SLCO1B1: variants seen among roughly 807,000 people sequenced by gnomAD.
The protein encoded by SLCO1B1 is OATP-2.
In SLCO1B1, 81 loss-of-function variants were observed where a neutral mutation model predicts 70.1. That is an observed-to-expected ratio of 1.16 (90% CI 0.97 to 1.39). The LOEUF (loss-of-function observed/expected upper bound fraction) is 1.39. Ranked by LOEUF, SLCO1B1 falls within the 40% of genes most tolerant of loss-of-function variation. The probability of loss-of-function intolerance (pLI) is 0.00; values close to 1 mark genes in which losing one functional copy is unlikely to be tolerated. For synonymous variants in SLCO1B1, 283 were observed against 271.5 expected, an observed-to-expected ratio of 1.04 and a Z score of -0.42; for missense variants, 895 against 799.6, an observed-to-expected ratio of 1.12 and a Z score of -1.44.
intron 1 of SLCO1B1, among the ~76,000 whole-genome samples, chr12:21,131,957 G>A (rs147561858): frequency 2.6e-4 from 39 of 151,798 alleles, no homozygotes; most frequent in African/African-American, 9.4e-4. Context: ...ATTTAACATT[G>A]GGCATATCTC....
intron 11 of SLCO1B1, among the ~76,000 whole-genome samples, chr12:21,216,042 C>A (rs940064634): frequency 6.6e-6 from 1 of 152,104 alleles, no homozygotes; most frequent in African/African-American, 2.4e-5. Context: ...AATATTAGAA[C>A]CCTAAAAAGA....
At chr12:21,158,569 C>T (rs978881270) in intron 2 of SLCO1B1, among the ~76,000 whole-genome samples, 2 of 151,968 alleles carry the variant, frequency 1.3e-5, no homozygotes, top group Admixed American at 1.3e-4. Context: ...TGGTGCCTGC[C>T]TTTAGTCCCA....
intron 7 of SLCO1B1, among the ~76,000 whole-genome samples, chr12:21,195,488 G>A (rs967168867): frequency 6.6e-6 from 1 of 152,096 alleles, no homozygotes; most frequent in Non-Finnish European, 1.5e-5. Context: ...GGAGCAGGGA[G>A]GAGCTGTAGC....
intron 14 of SLCO1B1, among the ~76,000 whole-genome samples, chr12:21,234,110 G>A (rs1429129658): frequency 6.6e-6 from 1 of 152,214 alleles, no homozygotes; most frequent in Non-Finnish European, 1.5e-5. Context: ...GAGGACTGGA[G>A]TTTTTAAAGA....
intron 1 of SLCO1B1, among the ~76,000 whole-genome samples, chr12:21,141,004 G>C (rs921427009): frequency 6.6e-6 from 1 of 151,792 alleles, no homozygotes; most frequent in African/African-American, 2.4e-5. Flanking sequence ...TCCAAATTCT[G>C]TTTGCTTTTT....
At chr12:21,136,149 A>G (rs1472009152) in intron 1 of SLCO1B1, among the ~76,000 whole-genome samples, 4 of 152,174 alleles carry the variant, frequency 2.6e-5, no homozygotes, top group African/African-American at 7.2e-5. Flanking sequence ...AAGAATGTTG[A>G]ATATTGGTCC....
At chr12:21,155,944 T>C (rs1940537760) in intron 2 of SLCO1B1, among the ~76,000 whole-genome samples, 1 of 152,148 alleles carries the variant, frequency 6.6e-6, no homozygotes, top group Non-Finnish European at 1.5e-5. Context: ...ATGCAACCAA[T>C]GTCTGAACAG....
chr12:21,200,707 T>A, intron 9 of SLCO1B1, 35 bp downstream of exon 9: 1 of 1,569,256 alleles, frequency 6.4e-7, no homozygotes. Context: ...GCTTAATAAG[T>A]GAAATAATAC....
intron 2 of SLCO1B1, among the ~76,000 whole-genome samples, chr12:21,162,005 C>T (rs1043813203): frequency 6.6e-6 from 1 of 151,516 alleles, no homozygotes; most frequent in African/African-American, 2.4e-5. Flanking sequence ...GAGACTCTGC[C>T]TCAAAAAATA....
At chr12:21,222,427 T>TATATATATATATAC (rs1241541102) in intron 13 of SLCO1B1, 63 bp downstream of exon 13, 43 of 101,032 alleles carry the variant, frequency 4.3e-4, no homozygotes, top group Non-Finnish European at 6.2e-4. Flanking sequence ...TATATATATA[T>TATATATATATATAC]ACACACACAC....
At chr12:21,222,602 C>T (rs1223035361) in intron 13 of SLCO1B1, among the ~76,000 whole-genome samples, 1 of 151,130 alleles carries the variant, frequency 6.6e-6, no homozygotes, top group Non-Finnish European at 1.5e-5. Flanking sequence ...AAGGAGAATT[C>T]GATTGTTAAT....
chr12:21,234,522 C>G (rs892385075), intron 14 of SLCO1B1, among the ~76,000 whole-genome samples: 1 of 151,950 alleles, frequency 6.6e-6, no homozygotes, highest in African/African-American at 2.4e-5. Flanking sequence ...GTTTTAAACT[C>G]GAAGCTATAA....
chr12:21,144,774 GA>G, intron 2 of SLCO1B1, among the ~76,000 whole-genome samples: 1 of 152,216 alleles, frequency 6.6e-6, no homozygotes, highest in African/African-American at 2.4e-5. Flanking sequence ...CATCCTTAAA[GA>G]AAAGAAATTG....
chr12:21,163,261 T>C (rs1417170384), intron 2 of SLCO1B1, among the ~76,000 whole-genome samples: 1 of 152,152 alleles, frequency 6.6e-6, no homozygotes, highest in Non-Finnish European at 1.5e-5. Flanking sequence ...TTTCTTTATA[T>C]CAATACTTAT....
intron 2 of SLCO1B1, among the ~76,000 whole-genome samples, chr12:21,143,878 C>T (rs901055342): frequency 6.6e-6 from 1 of 152,030 alleles, no homozygotes; most frequent in Admixed American, 6.6e-5. Flanking sequence ...CTAACACTTG[C>T]TAACATGCAT....
intron 14 of SLCO1B1, among the ~76,000 whole-genome samples, chr12:21,237,302 ATTG>A (rs1308829389): frequency 6.6e-5 from 10 of 152,096 alleles, no homozygotes; most frequent in African/African-American, 1.9e-4. Flanking sequence ...CATTTCTTCA[ATTG>A]TTGTTTGTCT....
At chr12:21,228,915 A>G (rs1421546903) in intron 14 of SLCO1B1, among the ~76,000 whole-genome samples, 1 of 151,966 alleles carries the variant, frequency 6.6e-6, no homozygotes, top group African/African-American at 2.4e-5. Context: ...CCTCTTTGGG[A>G]CTTACCACAT....
chr12:21,219,508 G>A (rs1185535854), intron 12 of SLCO1B1, among the ~76,000 whole-genome samples: 2 of 152,192 alleles, frequency 1.3e-5, no homozygotes, highest in African/African-American at 2.4e-5. Flanking sequence ...TATTCTAAAT[G>A]TGTTGAAAGC....
chr12:21,151,714 A>C (rs1940472753), intron 2 of SLCO1B1, among the ~76,000 whole-genome samples: 2 of 152,194 alleles, frequency 1.3e-5, no homozygotes, highest in East Asian at 1.9e-4. Context: ...CATTTCTTTC[A>C]GTTTCATTTC....
Sources: gnomAD v4.1 joint callset for allele counts (sites outside exome capture counted in the v4.1 genomes callset) on GRCh38, gnomAD v4.1.1 for gene constraint, MANE v1.5 for transcripts, NCBI Gene and HGNC (gene_info 2026-07-23, HGNC 2026-07-21) for gene names.